Variants in NLGN1 observed in about 807,000 individuals in gnomAD.
NLGN1 encodes the protein neuroligin-1.
Under a neutral mutation model 65.5 loss-of-function variants are expected in NLGN1, and 12 were observed. The observed-to-expected ratio is 0.18, with a 90% CI of 0.12 to 0.30. NLGN1 has a LOEUF of 0.30. Ranked by LOEUF, NLGN1 falls within the 10% of genes least tolerant of loss-of-function variation. The pLI, the probability that NLGN1 is intolerant of heterozygous loss-of-function variation, is 1.00. For synonymous variants in NLGN1, 350 were observed against 359.5 expected, an observed-to-expected ratio of 0.97 and a Z score of 0.30; for missense variants, 750 against 1,007.1, an observed-to-expected ratio of 0.74 and a Z score of 3.46.
rs556100806 is a variant in NLGN1 at position 173,865,380 on chromosome 3, G to A, written c.646+57548G>A. ...AAAGATACATCCTCATCCCCAAAAT[G>A]CTCCATCATTTCTAGTAGTTTGCTT... On this transcript the variant is annotated intron_variant, in intron 4 of 6. Transcript: ENST00000457714. Among the ~76,000 whole-genome samples, 53 of 151,978 alleles carry A rather than the reference G, an allele frequency of 3.5e-4. No homozygotes were observed. The South Asian group carries it at 1.0e-2, about 29-fold the overall frequency.
rs114462717 is a variant in NLGN1 at position 173,512,240 on chromosome 3, C to T, written c.-321+77162C>T. Among the ~76,000 whole-genome samples the T allele has an allele frequency of 1.0e-3, 154 of 152,354 alleles. 1 individual carries two copies. Among genetic ancestry groups the T allele is most frequent in the Middle Eastern group, 6.8e-3 (2 of 294 alleles). ...CAGCAAGGGCAAAGTGTCAGTGTGA[C>T]AGCCTTTTTGGGTATTCACACCCAG... On this transcript the variant is annotated intron_variant, in intron 2 of 6. Transcript: ENST00000457714.
chr3:174,096,676 A>G (rs1745595263), intron 4 of NLGN1, among the ~76,000 whole-genome samples: 1 of 152,206 alleles, frequency 6.6e-6, no homozygotes, highest in African/African-American at 2.4e-5. Context: ...TTGTAACACT[A>G]AAGTCCACCT....
intron 3 of NLGN1, among the ~76,000 whole-genome samples, chr3:173,708,745 G>C (rs1285455276): frequency 1.3e-5 from 2 of 152,108 alleles, no homozygotes; most frequent in African/African-American, 4.8e-5. Flanking sequence ...ACCTTGCCTA[G>C]ATGTAGGGGT....
chr3:174,015,464 G>A (rs537415370), intron 4 of NLGN1, among the ~76,000 whole-genome samples: 2 of 152,116 alleles, frequency 1.3e-5, no homozygotes, highest in South Asian at 4.2e-4. Flanking sequence ...TCTTCTATAT[G>A]GACACTAATC....
chr3:173,647,737 G>A (rs1758501769), intron 3 of NLGN1, among the ~76,000 whole-genome samples: 1 of 151,996 alleles, frequency 6.6e-6, no homozygotes, highest in South Asian at 2.1e-4. Flanking sequence ...CAAATTAAAG[G>A]CATCAGCTTC....
At chr3:174,155,866 C>G (rs748626373) in intron 4 of NLGN1, among the ~76,000 whole-genome samples, 2 of 151,880 alleles carry the variant, frequency 1.3e-5, no homozygotes, top group African/African-American at 4.8e-5. Context: ...TTAGTGAAAT[C>G]TATTTTGTAA....
chr3:174,043,739 A>G (rs1732879158), intron 4 of NLGN1, among the ~76,000 whole-genome samples: 1 of 152,188 alleles, frequency 6.6e-6, no homozygotes, highest in African/African-American at 2.4e-5. Flanking sequence ...CCAGGCACAC[A>G]GTGCAAGCTG....
rs1193326572 is a variant in NLGN1 at position 173,430,820 on chromosome 3, C to G, written c.-389-4190C>G. Among the ~76,000 whole-genome samples the G allele has an allele frequency of 2.6e-5, 4 of 152,194 alleles. No individual in the cohort carries two copies. In the East Asian group the frequency reaches 7.7e-4, roughly 29 times the overall value. ...GTGTGATCTTTACATACCAGCTCCT[C>G]TTTGCTTTCTATCATGAGCAGAAAC... On this transcript the variant is annotated intron_variant, in intron 1 of 6. Coordinates refer to ENST00000457714, the Ensembl canonical transcript of NLGN1.
chr3:173,795,636 A>G (rs1343908188), intron 3 of NLGN1, among the ~76,000 whole-genome samples: 2 of 152,116 alleles, frequency 1.3e-5, no homozygotes, highest in African/African-American at 4.8e-5. Flanking sequence ...ATTGTGTTTT[A>G]ATGTTTGTCA....
chr3:174,224,703 A>T (rs1012096027), intron 4 of NLGN1, among the ~76,000 whole-genome samples: 2 of 152,158 alleles, frequency 1.3e-5, no homozygotes, highest in African/African-American at 4.8e-5. Context: ...GGTCTCAAAA[A>T]AAAAGGAAAT....
intron 3 of NLGN1, among the ~76,000 whole-genome samples, chr3:173,732,993 G>C (rs1348874208): frequency 6.6e-6 from 1 of 152,054 alleles, no homozygotes; most frequent in Non-Finnish European, 1.5e-5. Flanking sequence ...GGTATGTACA[G>C]ATTATACCTT....
intron 4 of NLGN1, among the ~76,000 whole-genome samples, chr3:174,069,299 G>C (rs1367952317): frequency 6.6e-6 from 1 of 152,122 alleles, no homozygotes; most frequent in Admixed American, 6.6e-5. Flanking sequence ...ATAATAAAAA[G>C]TTTTTCCTGT....
At chr3:173,730,378 T>G (rs1312140369) in intron 3 of NLGN1, among the ~76,000 whole-genome samples, 2 of 144,322 alleles carry the variant, frequency 1.4e-5, no homozygotes, top group Non-Finnish European at 3.0e-5. Context: ...CATATGTAAT[T>G]TTAAAATTTT....
chr3:173,884,814 A>G (rs568386373), intron 4 of NLGN1, among the ~76,000 whole-genome samples: 78 of 152,302 alleles, frequency 5.1e-4, no homozygotes, highest in Admixed American at 1.4e-3. Context: ...TGAAGGCTGG[A>G]AAGTCCAAGG....
Position 174,106,947 on chromosome 3 carries a change from A to C in NLGN1, c.647-168368A>C, listed in dbSNP as rs1713964553. Among the ~76,000 whole-genome samples the C allele has an allele frequency of 2.0e-5, 3 of 148,796 alleles. No homozygotes were observed. In the Admixed American group the frequency reaches 2.0e-4, roughly 10 times the overall value. ...TTAGTGAGGGTGGATCTTCTACTCG[A>C]TCTATTGATTCAAATGACAATCTCT... On this transcript the variant is annotated intron_variant, in intron 4 of 6. Coordinates refer to ENST00000457714, the Ensembl canonical transcript of NLGN1.
At chr3:173,812,730 G>GCA (rs1206225624) in intron 4 of NLGN1, among the ~76,000 whole-genome samples, 10 of 137,878 alleles carry the variant, frequency 7.3e-5, no homozygotes, top group East Asian at 2.1e-4. Context: ...GTATATACAC[G>GCA]CACACACATA....
chr3:174,160,472 A>G (rs1229892222), intron 4 of NLGN1, among the ~76,000 whole-genome samples: 1 of 151,718 alleles, frequency 6.6e-6, no homozygotes, highest in Non-Finnish European at 1.5e-5. Flanking sequence ...TATTTACAAT[A>G]AAGAATATGT....
chr3:174,080,608 T>C (rs143486317), intron 4 of NLGN1, among the ~76,000 whole-genome samples: 1 of 152,220 alleles, frequency 6.6e-6, no homozygotes, highest in Non-Finnish European at 1.5e-5. Context: ...GTCGTAGGTA[T>C]GCTCACTTGA....
intron 4 of NLGN1, among the ~76,000 whole-genome samples, chr3:173,900,424 G>A (rs1229268961): frequency 1.3e-5 from 2 of 151,996 alleles, no homozygotes; most frequent in Non-Finnish European, 2.9e-5. Flanking sequence ...GGAAAAGAAA[G>A]TAATTATTTC....
Sources: allele counts gnomAD v4.1 joint callset (sites outside exome capture counted in the v4.1 genomes callset), GRCh38; gene constraint gnomAD v4.1.1; transcripts MANE v1.5; gene names NCBI Gene and HGNC (gene_info 2026-07-23, HGNC 2026-07-21).